Variants in SRI observed in about 807,000 individuals in gnomAD.
SRI encodes sorcin, also known as 22 kDa protein.
A neutral mutation model predicts 33.3 loss-of-function variants in SRI; 30 were observed. The ratio of observed to expected loss-of-function variants is 0.90; its 90% confidence interval spans 0.67 to 1.22. SRI has a LOEUF of 1.22. SRI is among the 50% of genes most tolerant of loss of function. SRI has a pLI of 0.00. For synonymous variants in SRI, 75 were observed against 89.9 expected (o/e 0.83, Z 0.94); for missense variants, 243 against 250.8 (o/e 0.97, Z 0.21).
In SRI at chr7:88,210,951, A is replaced by G; in HGVS notation, c.206-26T>C. On this transcript the variant is annotated intron_variant, in intron 3 of 7. Transcript: ENST00000265729. ...CTGTTAAATCAAGAAAAGTACATAC[A>G]TATTAACACAAATCCAAAAATTCAC... 3.1e-6 allele frequency: 5 copies of G among 1,600,592 alleles called. No individual in the cohort carries two copies. The African/African-American group carries it at 6.7e-5, about 21-fold the overall frequency.
Position 88,220,009 on chromosome 7 carries a change from A to T in SRI, c.18T>A (p.His6Gln). 6.5e-7 allele frequency: 1 copy of T among 1,534,928 alleles called. No individual in the cohort carries two copies. The highest frequency in any genetic ancestry group is 8.7e-7 in the Non-Finnish European group (1 of 1,145,700). MAYPG[H>Q]PGAGGGYYPG... Reference sequence around the variant, plus strand: ...GGTAGTACCCGCCGCCGGCGCCAGGATGCCCCGGGTACGCCATGCTGCAGA... The same window carrying T: ...GGTAGTACCCGCCGCCGGCGCCAGGTTGCCCCGGGTACGCCATGCTGCAGA... The change falls in exon 1 of 8, where the codon CAT becomes CAA. Residue 6 changes from histidine (H) to glutamine (Q), a missense_variant. Physicochemically the swap from His to Gln is conservative, Grantham distance 24. Coordinates refer to ENST00000265729, the MANE Select transcript of SRI (RefSeq NM_003130.4).
intron 3 of SRI, among the ~76,000 whole-genome samples, chr7:88,215,868 A>G (rs993633922): frequency 6.6e-5 from 10 of 152,246 alleles, no homozygotes; most frequent in Admixed American, 2.6e-4. Context: ...GAAGTTGGTA[A>G]TGTATTTGAA....
intron 3 of SRI, chr7:88,216,717 G>A (rs140398008): frequency 5.2e-6 from 1 of 193,590 alleles, no homozygotes; most frequent in African/African-American, 2.4e-5. Context: ...CTGGTTCTAG[G>A]TACACAAAAC....
At position 88,220,012 on chromosome 7, in the gene SRI, C is replaced by A. The variant is rs1010768007; in HGVS notation, c.15G>T (p.Gly5=). ...AGTACCCGCCGCCGGCGCCAGGATG[C>A]CCCGGGTACGCCATGCTGCAGACTG... MAYP[G]HPGAGGGYYP... is the part of the protein sequence containing the mutation. The change falls in exon 1 of 8, where the codon GGG becomes GGT. Residue 5 remains glycine (G), a synonymous_variant. Transcript: ENST00000265729. 6.5e-7 allele frequency: 1 copy of A among 1,534,138 alleles called. No homozygotes were observed. The highest frequency in any genetic ancestry group is 8.7e-7 in the Non-Finnish European group (1 of 1,145,522).
upstream of SRI, among the ~76,000 whole-genome samples, chr7:88,222,361 CTT>C (rs1160050014): frequency 6.9e-6 from 1 of 145,534 alleles, no homozygotes; most frequent in Non-Finnish European, 1.5e-5. Context: ...TGTTTCCTGA[CTT>C]TTTAATGATT....
intron 3 of SRI, among the ~76,000 whole-genome samples, chr7:88,213,322 A>G (rs1331162909): frequency 1.3e-5 from 2 of 152,230 alleles, no homozygotes; most frequent in Non-Finnish European, 2.9e-5. Context: ...TAACTGGTAC[A>G]TAAGGTAACA....
At chr7:88,222,598 T>C (rs569595326), upstream of SRI, among the ~76,000 whole-genome samples, 171 of 152,316 alleles carry the variant, frequency 1.1e-3, no homozygotes, top group Non-Finnish European at 1.9e-3. Flanking sequence ...GCCCTCAAAC[T>C]ATACTACAAG....
chr7:88,223,678 A>G (rs1851937809), upstream of SRI, among the ~76,000 whole-genome samples: 1 of 152,106 alleles, frequency 6.6e-6, no homozygotes, highest in African/African-American at 2.4e-5. Context: ...GCTTAATTTT[A>G]TTTTTCCAAC....
chr7:88,220,317 T>C (rs1851861229), upstream of SRI, among the ~76,000 whole-genome samples: 2 of 151,692 alleles, frequency 1.3e-5, no homozygotes, highest in African/African-American at 4.8e-5. Context: ...CCTCCAAAAC[T>C]AATGGCACAT....
chr7:88,206,870 A>C lies in SRI; in HGVS notation c.571-366T>G, dbSNP rs184355262. ...CAACTGGAGTTTATACTGTTGTATT[A>C]CGTGGGGATTTCCAAACCACACAGT... On this transcript the variant is annotated intron_variant, in intron 7 of 7. Transcript: ENST00000265729. Among the ~76,000 whole-genome samples, 4 of 152,358 alleles carry C rather than the reference A, an allele frequency of 2.6e-5. No individual in the cohort carries two copies. The East Asian group carries it at 7.7e-4, about 29-fold the overall frequency.
intron 3 of SRI, 103 bp downstream of exon 3, chr7:88,217,019 A>G (rs567568632): frequency 9.5e-6 from 10 of 1,049,422 alleles, no homozygotes; most frequent in Non-Finnish European, 1.5e-5. Flanking sequence ...AAACTTTGCT[A>G]GATCCGACAA....
chr7:88,226,883 A>C, intron 1 of SRI: 1 of 1,611,030 alleles, frequency 6.2e-7, no homozygotes, highest in Admixed American at 1.7e-5. Flanking sequence ...GAATAGTCTA[A>C]TATTATATAC....
At chr7:88,224,274 A>G (rs1851950782), upstream of SRI, among the ~76,000 whole-genome samples, 1 of 152,214 alleles carries the variant, frequency 6.6e-6, no homozygotes, top group Non-Finnish European at 1.5e-5. Context: ...TTATTCCTGG[A>G]GAAAAGTTAA....
chr7:88,219,613 G>T, intron 1 of SRI: 2 of 303,394 alleles, frequency 6.6e-6, no homozygotes, highest in Non-Finnish European at 1.2e-5. Context: ...AGAATAAAAT[G>T]ACTGTTGTTG....
rs1006635525 is a variant in SRI, at chr7:88,217,001, G to A, written c.205+121C>T. The stretch of plus-strand genomic sequence containing the variant: ...GAAATAGTACTGTATTTTAGCTTTC[G>A]GAATTCTAAACTTTGCTAGATCCGA... On this transcript the variant is annotated intron_variant, in intron 3 of 7. Transcript: ENST00000265729. The A allele has an allele frequency of 2.2e-5, 20 of 916,238 alleles. No homozygotes were observed. In the East Asian group the frequency reaches 2.2e-4, roughly 10 times the overall value. The allele number at this position is 916,238 out of a possible 1,614,324, so 56.8% of individuals were successfully genotyped here.
chr7:88,225,495 T>C (rs1166624946), intron 1 of SRI, among the ~76,000 whole-genome samples: 1 of 152,194 alleles, frequency 6.6e-6, no homozygotes, highest in African/African-American at 2.4e-5. Flanking sequence ...GATGAGTTAA[T>C]GCTCTATGGA....
At chr7:88,221,111 G>T (rs1851879827), upstream of SRI, among the ~76,000 whole-genome samples, 1 of 152,178 alleles carries the variant, frequency 6.6e-6, no homozygotes, top group Non-Finnish European at 1.5e-5. Flanking sequence ...TTGTTGTGGA[G>T]GTTGCACAGA....
chr7:88,205,156 T>A lies in SRI; in HGVS notation c.*1322A>T, dbSNP rs568759090. The A allele has an allele frequency of 1.3e-5, 2 of 152,326 alleles. No individual in the cohort carries two copies. Among genetic ancestry groups the A allele is most frequent in the African/African-American group, 4.8e-5 (2 of 41,576 alleles). 9.4% of individuals were successfully genotyped at this position (152,326 alleles called of 1,614,324 possible). A position where few individuals can be genotyped will look rare whatever the true frequency, so the allele number is the denominator to read the frequency against. On this transcript the variant is annotated 3_prime_UTR_variant, in exon 8 of 8. Transcript: ENST00000265729. ...TTTATTTTCATTAGTTGACAACTAG[T>A]TGTTCAGTTGAATGGTAAGTTTCAC... is the stretch of plus-strand genomic sequence containing the variant.
At chr7:88,218,973 C>T in intron 1 of SRI, 31 bp from the exon 2 acceptor site, 1 of 1,598,848 alleles carries the variant, frequency 6.3e-7, no homozygotes, top group Non-Finnish European at 8.6e-7. Flanking sequence ...ACACGTCATT[C>T]TGCCGAATCA....
Sources: gnomAD v4.1 joint callset for allele counts (sites outside exome capture counted in the v4.1 genomes callset) on GRCh38, gnomAD v4.1.1 for gene constraint, MANE v1.5 for transcripts, NCBI Gene and HGNC (gene_info 2026-07-23, HGNC 2026-07-21) for gene names.